Variants in KCNIP4 observed in about 807,000 individuals in gnomAD.
KCNIP4 encodes Kv channel-interacting protein 4.
Under a neutral mutation model 34.0 loss-of-function variants are expected in KCNIP4, and 12 were observed. The ratio of observed to expected loss-of-function variants is 0.35; its 90% CI spans 0.23 to 0.57. The LOEUF (loss-of-function observed/expected upper bound fraction) is 0.57. Among genes scored for constraint, KCNIP4 ranks in the 20% least tolerant of loss-of-function variants. KCNIP4 has a pLI of 0.83. For missense variants in KCNIP4, 238 were observed against 311.7 expected (o/e 0.76, Z 1.78); for synonymous variants, 124 against 102.2 (o/e 1.21, Z -1.29).
At chr4:21,304,837 G>C (rs374842785) in intron 1 of KCNIP4, among the ~76,000 whole-genome samples, 2 of 152,060 alleles carry the variant, frequency 1.3e-5, no homozygotes, top group African/African-American at 2.4e-5. Context: ...TAGTATCTTA[G>C]AGTTTAGCAG....
At chr4:21,437,241 T>C (rs894630531) in intron 1 of KCNIP4, among the ~76,000 whole-genome samples, 1 of 152,232 alleles carries the variant, frequency 6.6e-6, no homozygotes, top group African/African-American at 2.4e-5. Flanking sequence ...TCAGGCACCC[T>C]ATATATTTTT....
intron 1 of KCNIP4, among the ~76,000 whole-genome samples, chr4:21,609,757 A>G (rs1471776351): frequency 2.0e-5 from 3 of 152,342 alleles, no homozygotes; most frequent in African/African-American, 7.2e-5. Flanking sequence ...ACTTGACTAC[A>G]AACTGATAGG....
At chr4:21,117,650 C>T (rs1014194556) in intron 1 of KCNIP4, among the ~76,000 whole-genome samples, 3 of 152,128 alleles carry the variant, frequency 2.0e-5, no homozygotes, top group Non-Finnish European at 2.9e-5. Context: ...CCCTTTTTCA[C>T]GTGGACAGGG....
chr4:21,684,717 G>A (rs1019213890), intron 1 of KCNIP4, among the ~76,000 whole-genome samples: 7 of 152,110 alleles, frequency 4.6e-5, no homozygotes, highest in South Asian at 4.2e-4. Context: ...TGTGCACAAC[G>A]TGCAGGTTTG....
At chr4:21,653,361 G>A (rs1361186995) in intron 1 of KCNIP4, among the ~76,000 whole-genome samples, 1 of 152,138 alleles carries the variant, frequency 6.6e-6, no homozygotes, top group Non-Finnish European at 1.5e-5. Flanking sequence ...TGTTTCACAG[G>A]ATTATTATCA....
chr4:21,892,322 C>CA (rs397762481), intron 1 of KCNIP4, among the ~76,000 whole-genome samples: 48,488 of 146,094 alleles, frequency 0.33, 8,014 homozygotes, highest in African/African-American at 0.42. Context: ...TATCCAAATA[C>CA]AAAAAAAAAA....
intron 1 of KCNIP4, among the ~76,000 whole-genome samples, chr4:21,713,852 T>A (rs1240571460): frequency 1.3e-5 from 2 of 152,176 alleles, no homozygotes; most frequent in African/African-American, 4.8e-5. Flanking sequence ...AATTACCAAA[T>A]GGTCATATTT....
chr4:21,036,891 G>A (rs1045069547), intron 1 of KCNIP4, among the ~76,000 whole-genome samples: 3 of 152,218 alleles, frequency 2.0e-5, no homozygotes, highest in African/African-American at 7.2e-5. Flanking sequence ...TACCACCTTA[G>A]TGACATTGTA....
intron 3 of KCNIP4, among the ~76,000 whole-genome samples, chr4:20,760,127 G>T (rs1185522508): frequency 2.0e-5 from 3 of 152,150 alleles, no homozygotes; most frequent in African/African-American, 7.2e-5. Flanking sequence ...AGAGTCAACT[G>T]CACATTGTAA....
At chr4:20,803,727 G>GGAAGGAAGGA (rs779473449) in intron 3 of KCNIP4, among the ~76,000 whole-genome samples, 1,652 of 91,126 alleles carry the variant, frequency 0.018, 37 homozygotes, top group East Asian at 0.11. Flanking sequence ...GAGAGAGAGA[G>GGAAGGAAGGA]AGGAAGGAAG....
At chr4:21,929,365 C>T (rs1729437900) in intron 1 of KCNIP4, among the ~76,000 whole-genome samples, 1 of 152,048 alleles carries the variant, frequency 6.6e-6, no homozygotes, top group South Asian at 2.1e-4. Context: ...TGTTAACTAG[C>T]AATTTGGGGC....
chr4:21,245,777 A>G (rs1760154798), intron 1 of KCNIP4, among the ~76,000 whole-genome samples: 2 of 152,280 alleles, frequency 1.3e-5, no homozygotes, highest in South Asian at 2.1e-4. Flanking sequence ...ATCGCTAACA[A>G]CAAAAGCTTT....
Position 21,015,550 on chromosome 4 carries a change from A to AATTAATATAATATAGTATATTGT in KCNIP4, c.62-132864_62-132842dup, listed in dbSNP as rs1449525014. ...AATATATAATATATTATATTATTAT[A>AATTAATATAATATAGTATATTGT]ATTAATATAATATAGTATATTGTAT... On this transcript the variant is annotated intron_variant, in intron 1 of 8. Coordinates refer to ENST00000382152, the MANE Select transcript of KCNIP4 (RefSeq NM_025221.6). Among the ~76,000 whole-genome samples, 150 of 134,562 alleles carry AATTAATATAATATAGTATATTGT rather than the reference A, an allele frequency of 1.1e-3. 2 individuals carry two copies. Among genetic ancestry groups the AATTAATATAATATAGTATATTGT allele is most frequent in the African/African-American group, 3.9e-3 (139 of 35,384 alleles). The allele number at this position is 134,562 out of a possible 152,430, so 88.3% of individuals were successfully genotyped here. A position where few individuals can be genotyped will look rare whatever the true frequency, so the allele number is the denominator to read the frequency against.
At chr4:21,778,393 C>T (rs1218463075) in intron 1 of KCNIP4, among the ~76,000 whole-genome samples, 3 of 151,020 alleles carry the variant, frequency 2.0e-5, no homozygotes, top group Non-Finnish European at 3.0e-5. Flanking sequence ...CGCCACCACA[C>T]TGAGCAATGA....
chr4:21,538,851 A>T (rs150623749), intron 1 of KCNIP4, among the ~76,000 whole-genome samples: 52 of 152,322 alleles, frequency 3.4e-4, no homozygotes, highest in African/African-American at 1.3e-3. Context: ...TACATTGTAA[A>T]ACAAACAGCT....
intron 1 of KCNIP4, among the ~76,000 whole-genome samples, chr4:20,906,203 G>A (rs1042015151): frequency 1.1e-4 from 17 of 151,884 alleles, no homozygotes; most frequent in African/African-American, 4.1e-4. Flanking sequence ...TCTTGATGGG[G>A]CAAATCACTA....
At chr4:21,747,376 T>G (rs1716845497) in intron 1 of KCNIP4, among the ~76,000 whole-genome samples, 1 of 152,146 alleles carries the variant, frequency 6.6e-6, no homozygotes, top group Non-Finnish European at 1.5e-5. Flanking sequence ...GCATGCGTTC[T>G]GTAGACGCCT....
chr4:21,129,937 C>A (rs2109167517), intron 1 of KCNIP4, among the ~76,000 whole-genome samples: 1 of 151,900 alleles, frequency 6.6e-6, no homozygotes, highest in East Asian at 1.9e-4. Flanking sequence ...ATATCACTGA[C>A]TCAAAGACTT....
intron 1 of KCNIP4, among the ~76,000 whole-genome samples, chr4:20,922,547 G>GTCTGTCTATCTATCTA (rs373186954): frequency 0.012 from 1,605 of 129,464 alleles, 9 homozygotes; most frequent in East Asian, 0.022. Context: ...CTGTCTGTCT[G>GTCTGTCTATCTATCTA]TCTATCTATC....
Sources: gnomAD v4.1 joint callset for allele counts (sites outside exome capture counted in the v4.1 genomes callset) on GRCh38, gnomAD v4.1.1 for gene constraint, MANE v1.5 for transcripts, NCBI Gene and HGNC (gene_info 2026-07-23, HGNC 2026-07-21) for gene names.